The following FANCI variants were observed in gnomAD, a reference collection of about 807,000 sequenced individuals.
FANCI encodes the protein Fanconi anemia group I protein.
In FANCI, 156 loss-of-function variants were observed where a neutral mutation model predicts 176.1. That is an observed-to-expected ratio of 0.89 (90% confidence interval 0.78 to 1.01). The LOEUF (loss-of-function observed/expected upper bound fraction) is 1.01. FANCI is among the 50% of genes least tolerant of loss of function. The probability of loss-of-function intolerance (pLI) is 0.00; values close to 1 mark genes in which losing one functional copy is unlikely to be tolerated. For synonymous variants in FANCI, 613 were observed against 541.7 expected (o/e 1.13, Z -1.83); for missense variants, 1,678 against 1,534.1 (o/e 1.09, Z -1.57).
At chr15:89,294,153 G>A (rs1204067201) in intron 23 of FANCI, among the ~76,000 whole-genome samples, 156 bp downstream of exon 23, 1 of 152,176 alleles carries the variant, frequency 6.6e-6, no homozygotes, top group Non-Finnish European at 1.5e-5. Flanking sequence ...TCCTAGGTAG[G>A]TACTTTAAGT....
intron 25 of FANCI, 47 bp from the exon 26 acceptor site, chr15:89,300,253 G>A: frequency 1.9e-6 from 3 of 1,576,892 alleles, no homozygotes; most frequent in Non-Finnish European, 2.6e-6. Context: ...AGGCCAAAAA[G>A]TATGAGTTTA....
chr15:89,291,715 G>A lies in FANCI; in HGVS notation c.1992+1G>A. On this transcript the variant is annotated splice_donor_variant, in intron 20 of 37. Transcript: ENST00000310775. LOFTEE classifies it high-confidence loss of function. ...TAAGATCTCTCTACAAGAACCACTG[G>A]TGAGACTTTTATTCTTCCTTCAACC... 1 of 1,609,624 alleles carries A rather than the reference G, an allele frequency of 6.2e-7. No individual in the cohort carries two copies. The highest frequency in any genetic ancestry group is 8.5e-7 in the Non-Finnish European group (1 of 1,176,134).
chr15:89,311,804 C>G (rs539824120), intron 34 of FANCI, among the ~76,000 whole-genome samples: 2 of 152,298 alleles, frequency 1.3e-5, no homozygotes, highest in African/African-American at 4.8e-5. Context: ...CTGTTGCCCT[C>G]GTGGAGCATG....
intron 34 of FANCI, among the ~76,000 whole-genome samples, chr15:89,311,114 C>T (rs1567177791): frequency 6.6e-6 from 1 of 152,060 alleles, no homozygotes; most frequent in Non-Finnish European, 1.5e-5. Flanking sequence ...CAAAAATTAG[C>T]TGGGCATGGT....
chr15:89,307,987 A>T, intron 34 of FANCI: 1 of 1,259,360 alleles, frequency 7.9e-7, no homozygotes, highest in African/African-American at 1.5e-5. Context: ...GCCATGAGGC[A>T]TCCTCTGGGA....
intron 18 of FANCI, among the ~76,000 whole-genome samples, chr15:89,286,495 C>T (rs60591613): frequency 0.031 from 4,717 of 152,240 alleles, 258 homozygotes; most frequent in African/African-American, 0.11. Context: ...TGTACATTTC[C>T]ATCAGAGCTC....
In FANCI at chr15:89,255,816, A is replaced by G. The variant is rs142423831; in HGVS notation, c.85-2888A>G. Among the ~76,000 whole-genome samples, 412 of 152,338 alleles carry G rather than the reference A, an allele frequency of 2.7e-3. 8 individuals carry two copies. Among genetic ancestry groups the G allele is most frequent in the East Asian group, 0.015 (77 of 5,190 alleles). ...GTAAAAAGCATAACTGAACATGGTC[A>G]AAAGAAAGACTGAAGATCACATAAG... On this transcript the variant is annotated intron_variant, in intron 2 of 37. Transcript: ENST00000310775.
rs57172654 is a variant in FANCI at position 89,283,070 on chromosome 15, T to C, written c.1584-66T>C. On this transcript the variant is annotated intron_variant, in intron 16 of 37. Transcript: ENST00000310775. ...TTCTCTGTATGCAACTAGCTGGATTTTTCTGACCCAGAAGCATATTCCTGT... is the reference window on the plus strand; with the variant it reads ...TTCTCTGTATGCAACTAGCTGGATTCTTCTGACCCAGAAGCATATTCCTGT... The C allele has an allele frequency of 2.1e-3, 3,288 of 1,537,472 alleles. 56 individuals carry two copies. The African/African-American group carries it at 0.039, about 18-fold the overall frequency.
chr15:89,316,164 C>T, intron 37 of FANCI: 1 of 563,364 alleles, frequency 1.8e-6, no homozygotes, highest in Non-Finnish European at 3.2e-6. Context: ...CCATAAGTAT[C>T]CTCAGTATAG....
Position 89,316,476 on chromosome 15 carries a change from A to C in FANCI, c.*17A>C, listed in dbSNP as rs377534727. 1.2e-6 allele frequency: 2 copies of C among 1,602,896 alleles called. No individual in the cohort carries two copies. Among genetic ancestry groups the C allele is most frequent in the Non-Finnish European group, 1.7e-6 (2 of 1,173,900 alleles). On this transcript the variant is annotated 3_prime_UTR_variant, in exon 38 of 38. Transcript: ENST00000310775. ...AAAAAATAAATGAAATGCCTGAGTT[A>C]ATGTGAACTTTGGGGCTTCTGCTTC... is the stretch of plus-strand genomic sequence containing the variant.
Position 89,301,306 on chromosome 15 carries a change from T to C in FANCI, c.2890-20T>C. The C allele has an allele frequency of 6.6e-7, 1 of 1,520,286 alleles. No homozygotes were observed. Among genetic ancestry groups the C allele is most frequent in the Non-Finnish European group, 9.1e-7 (1 of 1,094,438 alleles). The allele number at this position is 1,520,286 out of a possible 1,614,324, so 94.2% of individuals were successfully genotyped here. A position where few individuals can be genotyped will look rare whatever the true frequency, so the allele number is the denominator to read the frequency against. ...ACGTGTCTGCTAACATTGCTTGCTGTGTGTGCCTTCCTTTCTCAGAGGTCC... is the reference window on the plus strand; with the variant it reads ...ACGTGTCTGCTAACATTGCTTGCTGCGTGTGCCTTCCTTTCTCAGAGGTCC... On this transcript the variant is annotated intron_variant, in intron 26 of 37. Coordinates refer to ENST00000310775, the MANE Select transcript of FANCI (RefSeq NM_001113378.2).
At chr15:89,268,690 G>C in intron 10 of FANCI, 165 bp downstream of exon 10, 1 of 743,636 alleles carries the variant, frequency 1.3e-6, no homozygotes. Flanking sequence ...AATACATGAT[G>C]TTACCACACT....
intron 4 of FANCI, 26 bp downstream of exon 4, chr15:89,260,869 T>C: frequency 6.2e-7 from 1 of 1,612,446 alleles, no homozygotes; most frequent in African/African-American, 1.3e-5. Context: ...AAAACTTTTA[T>C]TTGGGGGTAG....
chr15:89,244,858 A>T (rs111463099), intron 1 of FANCI, among the ~76,000 whole-genome samples: 1 of 152,186 alleles, frequency 6.6e-6, no homozygotes, highest in African/African-American at 2.4e-5. Context: ...TGTGGGAGTC[A>T]TGTTAATGAA....
At chr15:89,260,094 C>T (rs1420447283) in intron 3 of FANCI, among the ~76,000 whole-genome samples, 1 of 152,086 alleles carries the variant, frequency 6.6e-6, no homozygotes, top group African/African-American at 2.4e-5. Context: ...CCAATTTTTT[C>T]ACATCCTCAT....
intron 22 of FANCI, 107 bp from the exon 23 acceptor site, chr15:89,293,726 G>A (rs919309690): frequency 1.3e-4 from 135 of 1,078,010 alleles, no homozygotes; most frequent in Non-Finnish European, 1.7e-4. Flanking sequence ...ATAATGTTAC[G>A]TCTAAAATAT....
intron 17 of FANCI, among the ~76,000 whole-genome samples, chr15:89,284,325 T>G (rs568657825): frequency 2.6e-5 from 4 of 152,368 alleles, no homozygotes; most frequent in African/African-American, 9.6e-5. Flanking sequence ...CTATAAGATT[T>G]ATAAATAGGA....
chr15:89,253,710 A>C (rs2052366465), intron 2 of FANCI, among the ~76,000 whole-genome samples: 2 of 148,646 alleles, frequency 1.3e-5, no homozygotes, highest in South Asian at 4.4e-4. Context: ...GTCAAAAGAC[A>C]AATGGCAAAC....
intron 25 of FANCI, 149 bp from the exon 26 acceptor site, chr15:89,300,151 A>G (rs1315260800): frequency 9.9e-7 from 1 of 1,010,104 alleles, no homozygotes; most frequent in Non-Finnish European, 1.5e-6. Flanking sequence ...GTGGCTGGAA[A>G]ATGGAATATA....
Sources: gnomAD v4.1 joint callset for allele counts (sites outside exome capture counted in the v4.1 genomes callset) on GRCh38, gnomAD v4.1.1 for gene constraint, MANE v1.5 for transcripts, NCBI Gene and HGNC (gene_info 2026-07-23, HGNC 2026-07-21) for gene names.